SPOCK1: variants seen among roughly 807,000 people sequenced by gnomAD.
SPOCK1 encodes the protein SPARC (osteonectin), cwcv and kazal like domains proteoglycan 1.
Under a neutral mutation model 55.3 loss-of-function variants are expected in SPOCK1, and 23 were observed. The ratio of observed to expected loss-of-function variants is 0.42; its 90% CI spans 0.30 to 0.59. The LOEUF (loss-of-function observed/expected upper bound fraction) is 0.59, where lower values mean the gene tolerates loss of function less well. Among genes scored for constraint, SPOCK1 ranks in the 20% least tolerant of loss-of-function variants. The pLI, the probability that SPOCK1 is intolerant of heterozygous loss-of-function variation, is 0.22. For synonymous variants in SPOCK1, 226 were observed against 221.0 expected (o/e 1.02, Z -0.20); for missense variants, 499 against 552.5 (o/e 0.90, Z 0.97).
intron 6 of SPOCK1, among the ~76,000 whole-genome samples, chr5:136,998,340 T>G (rs1302608735): frequency 7.9e-5 from 12 of 152,246 alleles, no homozygotes; most frequent in Admixed American, 7.2e-4. Flanking sequence ...ACCCGTATTC[T>G]TAGCACTTGC....
intron 2 of SPOCK1, among the ~76,000 whole-genome samples, chr5:137,270,954 A>G (rs1756949574): frequency 6.6e-6 from 1 of 152,154 alleles, no homozygotes; most frequent in Non-Finnish European, 1.5e-5. Context: ...GTGAGCCAAG[A>G]TCGCACCATT....
intron 5 of SPOCK1, among the ~76,000 whole-genome samples, chr5:137,109,500 TGA>T (rs942143494): frequency 6.6e-6 from 1 of 152,144 alleles, no homozygotes; most frequent in African/African-American, 2.4e-5. Context: ...ACCCCATGCC[TGA>T]GCAGCCACTA....
chr5:136,977,424 T>TAA lies in SPOCK1; in HGVS notation c.*1228_*1229dup. ...AGGCCTCCATTTGGGATTGAGTGGTTAAAAAAAAAAATCTGTACAGCTTTT... is the reference window on the plus strand; with the variant it reads ...AGGCCTCCATTTGGGATTGAGTGGTTAAAAAAAAAAAAATCTGTACAGCTTTT... On this transcript the variant is annotated 3_prime_UTR_variant, in exon 11 of 11. Coordinates refer to ENST00000394945, the MANE Select transcript of SPOCK1 (RefSeq NM_004598.4). 1.2e-5 allele frequency: 2 copies of TAA among 161,534 alleles called. No individual in the cohort carries two copies. Among genetic ancestry groups the TAA allele is most frequent in the East Asian group, 1.6e-4 (1 of 6,136 alleles). 10.0% of individuals were successfully genotyped at this position (161,534 alleles called of 1,614,324 possible).
At chr5:137,387,840 T>C (rs977728581) in intron 2 of SPOCK1, among the ~76,000 whole-genome samples, 4 of 149,778 alleles carry the variant, frequency 2.7e-5, no homozygotes, top group Admixed American at 2.0e-4. Context: ...CCTCTCATTT[T>C]TGCTGTAAAT....
chr5:137,399,773 A>T (rs555218168), intron 2 of SPOCK1, among the ~76,000 whole-genome samples: 59 of 151,618 alleles, frequency 3.9e-4, no homozygotes, highest in Admixed American at 1.8e-3. Context: ...ATTATTTTTT[A>T]AAAAAAAACT....
At chr5:137,190,684 T>G (rs1357179086) in intron 3 of SPOCK1, among the ~76,000 whole-genome samples, 2 of 152,166 alleles carry the variant, frequency 1.3e-5, no homozygotes, top group Non-Finnish European at 2.9e-5. Context: ...TGTCATACTG[T>G]TCTCCCTCTC....
chr5:137,488,456 C>T (rs1561548836), intron 2 of SPOCK1, among the ~76,000 whole-genome samples: 1 of 152,138 alleles, frequency 6.6e-6, no homozygotes, highest in Non-Finnish European at 1.5e-5. Context: ...AAAGCCTATG[C>T]TCTGGACTAG....
chr5:137,225,334 G>T (rs1242619354), intron 3 of SPOCK1, among the ~76,000 whole-genome samples: 1 of 152,064 alleles, frequency 6.6e-6, no homozygotes, highest in African/African-American at 2.4e-5. Context: ...CCTCATAGAG[G>T]TTACTGTAGA....
At chr5:137,474,849 A>T (rs1307318387) in intron 2 of SPOCK1, among the ~76,000 whole-genome samples, 1 of 152,216 alleles carries the variant, frequency 6.6e-6, no homozygotes, top group Non-Finnish European at 1.5e-5. Flanking sequence ...TTTACTAAAA[A>T]ATACTAGCAA....
At position 136,978,553 on chromosome 5, in the gene SPOCK1, T is replaced by C; in HGVS notation, c.*101A>G. ...TTAGGTCGGGTATAGAGAGCAACAATGGAGAAGAGACCTTGGTGCCTTGGA... is the reference window on the plus strand; with the variant it reads ...TTAGGTCGGGTATAGAGAGCAACAACGGAGAAGAGACCTTGGTGCCTTGGA... On this transcript the variant is annotated 3_prime_UTR_variant, in exon 11 of 11. Coordinates refer to ENST00000394945, the MANE Select transcript of SPOCK1 (RefSeq NM_004598.4). 2 of 1,309,912 alleles carry C rather than the reference T, an allele frequency of 1.5e-6. No homozygotes were observed. The highest frequency in any genetic ancestry group is 1.0e-6 in the Non-Finnish European group (1 of 953,756). 81.1% of individuals were successfully genotyped at this position (1,309,912 alleles called of 1,614,324 possible).
At chr5:137,478,397 G>T (rs1030048406) in intron 2 of SPOCK1, among the ~76,000 whole-genome samples, 1 of 152,076 alleles carries the variant, frequency 6.6e-6, no homozygotes, top group African/African-American at 2.4e-5. Flanking sequence ...CCTGGCATTG[G>T]TATCCCAAAA....
chr5:137,248,121 C>T (rs1279720046), intron 3 of SPOCK1, among the ~76,000 whole-genome samples: 1 of 152,140 alleles, frequency 6.6e-6, no homozygotes, highest in African/African-American at 2.4e-5. Flanking sequence ...GATTAGCTAC[C>T]AACAAACTTT....
intron 3 of SPOCK1, among the ~76,000 whole-genome samples, chr5:137,230,949 A>G (rs971813331): frequency 1.7e-4 from 26 of 152,126 alleles, no homozygotes; most frequent in African/African-American, 6.3e-4. Context: ...ATGTATGCCT[A>G]GTTCCACAAA....
At chr5:137,190,957 A>G (rs1364657365) in intron 3 of SPOCK1, among the ~76,000 whole-genome samples, 1 of 152,210 alleles carries the variant, frequency 6.6e-6, no homozygotes, top group Admixed American at 6.5e-5. Flanking sequence ...TCAGAGCCTT[A>G]GGAAATAAGC....
At chr5:137,243,778 G>T (rs7708754) in intron 3 of SPOCK1, among the ~76,000 whole-genome samples, 8,476 of 152,192 alleles carry the variant, frequency 0.056, 426 homozygotes, top group East Asian at 0.13. Context: ...GAGACCTCCA[G>T]TTCTAATCAC....
chr5:137,331,839 A>G lies in SPOCK1; in HGVS notation c.187-64784T>C, dbSNP rs932347596. ...TTTCAACATGAGATTTGGAGGGGAC[A>G]ACAATCCAAAACATATCAACCTGCC... On this transcript the variant is annotated intron_variant, in intron 2 of 10. Coordinates refer to ENST00000394945, the MANE Select transcript of SPOCK1 (RefSeq NM_004598.4). 6.4e-4 allele frequency among the ~76,000 whole-genome samples: 98 copies of G among 152,256 alleles called. 2 individuals carry two copies. Among genetic ancestry groups the G allele is most frequent in the Admixed American group, 6.2e-3 (95 of 15,296 alleles).
intron 7 of SPOCK1, among the ~76,000 whole-genome samples, chr5:136,991,793 T>C (rs1294311030): frequency 1.3e-5 from 2 of 152,192 alleles, no homozygotes; most frequent in African/African-American, 4.8e-5. Flanking sequence ...GATGTGCAAA[T>C]GTGAGGACCC....
intron 2 of SPOCK1, among the ~76,000 whole-genome samples, chr5:137,491,121 G>C (rs1286733170): frequency 1.3e-5 from 2 of 152,190 alleles, no homozygotes; most frequent in Non-Finnish European, 2.9e-5. Context: ...GCCCCACAAT[G>C]CAAGTATCAC....
chr5:137,009,610 A>G (rs1238350224), intron 6 of SPOCK1, among the ~76,000 whole-genome samples: 1 of 152,194 alleles, frequency 6.6e-6, no homozygotes, highest in Non-Finnish European at 1.5e-5. Flanking sequence ...AGTGATATGA[A>G]CATAAGAGAC....
Sources: allele counts gnomAD v4.1 joint callset (sites outside exome capture counted in the v4.1 genomes callset), GRCh38; gene constraint gnomAD v4.1.1; transcripts MANE v1.5; gene names NCBI Gene and HGNC (gene_info 2026-07-23, HGNC 2026-07-21).